Variants in PRKN observed in about 807,000 individuals in gnomAD.
The protein encoded by PRKN is parkin RBR E3 ubiquitin protein ligase, also known as E3 ubiquitin-protein ligase parkin.
In PRKN, 56 loss-of-function variants were observed where a neutral mutation model predicts 59.5. The observed-to-expected ratio is 0.94, with a 90% confidence interval of 0.76 to 1.18. The LOEUF is 1.18. PRKN is among the 50% of genes most tolerant of loss of function. PRKN has a pLI of 0.00. For missense variants in PRKN, 657 were observed against 596.4 expected (o/e 1.10, Z -1.06); for synonymous variants, 250 against 222.1 (o/e 1.13, Z -1.12).
At chr6:162,252,262 A>T (rs1758557820) in intron 3 of PRKN, among the ~76,000 whole-genome samples, 1 of 152,188 alleles carries the variant, frequency 6.6e-6, no homozygotes, top group Non-Finnish European at 1.5e-5. Flanking sequence ...ACATCACTGT[A>T]TTGGGGGCAG....
chr6:162,170,959 C>G (rs1190703238), intron 4 of PRKN, among the ~76,000 whole-genome samples: 1 of 152,060 alleles, frequency 6.6e-6, no homozygotes, highest in East Asian at 1.9e-4. Context: ...AATAACTATC[C>G]ATTCATTCTA....
intron 4 of PRKN, among the ~76,000 whole-genome samples, chr6:162,111,414 G>A (rs552290881): frequency 1.3e-5 from 2 of 152,042 alleles, no homozygotes; most frequent in Non-Finnish European, 2.9e-5. Flanking sequence ...GCAGTGAGCC[G>A]AGACTGCACC....
At chr6:161,662,184 A>G (rs1360341231) in intron 7 of PRKN, among the ~76,000 whole-genome samples, 2 of 152,160 alleles carry the variant, frequency 1.3e-5, no homozygotes, top group Non-Finnish European at 2.9e-5. Flanking sequence ...GGGGTGGAAT[A>G]AAAAGCTTTA....
chr6:161,834,209 T>C (rs961687260), intron 6 of PRKN, among the ~76,000 whole-genome samples: 1 of 152,032 alleles, frequency 6.6e-6, no homozygotes, highest in African/African-American at 2.4e-5. Context: ...AGAGGTTTGC[T>C]GTATAAATGC....
intron 6 of PRKN, among the ~76,000 whole-genome samples, chr6:161,916,030 T>C (rs1778544211): frequency 6.6e-6 from 1 of 151,838 alleles, no homozygotes; most frequent in Non-Finnish European, 1.5e-5. Flanking sequence ...ATGAATTTAC[T>C]GAAAAAAAAG....
In PRKN at chr6:162,061,661, G is replaced by A. The variant is rs190473315; in HGVS notation, c.535-7487C>T. ...CTGTCACAAAGCCAAGCACAGTGCC[G>A]TGGTTAGAGCAGCAGCATAATAAAT... On this transcript the variant is annotated intron_variant, in intron 4 of 11. Coordinates refer to ENST00000366898, the MANE Select transcript of PRKN (RefSeq NM_004562.3). Among the ~76,000 whole-genome samples, 16 of 152,264 alleles carry A rather than the reference G, an allele frequency of 1.1e-4. No individual in the cohort carries two copies. The East Asian group carries it at 1.5e-3, about 15-fold the overall frequency.
In PRKN at chr6:161,379,055, T is replaced by C. The variant is rs1363451213; in HGVS notation, c.1167+7739A>G. 6.6e-6 allele frequency among the ~76,000 whole-genome samples: 1 copy of C among 152,174 alleles called. No homozygotes were observed. The highest frequency in any genetic ancestry group is 1.5e-5 in the Non-Finnish European group (1 of 68,028). ...TAGCAGGCTAGAAAGGGAGTTGCCA[T>C]CCTGGAAGGGGTAACTGACTCTCAG... On this transcript the variant is annotated intron_variant, in intron 10 of 11. Coordinates refer to ENST00000366898, the MANE Select transcript of PRKN (RefSeq NM_004562.3). The surrounding 1 kb of genome is among the most constrained non-coding windows in gnomAD (Gnocchi z 4.9).
At chr6:162,007,007 T>A (rs953728901) in intron 5 of PRKN, among the ~76,000 whole-genome samples, 2 of 151,982 alleles carry the variant, frequency 1.3e-5, no homozygotes, top group Non-Finnish European at 2.9e-5. Context: ...AGTAAACAAA[T>A]GAACCATGAA....
At chr6:162,240,047 G>A (rs939218744) in intron 3 of PRKN, among the ~76,000 whole-genome samples, 1 of 152,078 alleles carries the variant, frequency 6.6e-6, no homozygotes, top group Non-Finnish European at 1.5e-5. Flanking sequence ...TGAAGGTTAA[G>A]AAATTTATAA....
rs559020370 is a variant in PRKN at position 162,548,120 on chromosome 6, C to T, written c.8-104647G>A. Among the ~76,000 whole-genome samples, 32 of 152,128 alleles carry T rather than the reference C, an allele frequency of 2.1e-4. No homozygotes were observed. In the East Asian group the frequency reaches 4.7e-3, roughly 22 times the overall value. The stretch of plus-strand genomic sequence containing the variant: ...CTGTCACCAGGCTCGTGTGCAGTGG[C>T]GCAATTTTGGCTCACTGCAACCTCC... On this transcript the variant is annotated intron_variant, in intron 1 of 11. Transcript: ENST00000366898.
Position 161,592,633 on chromosome 6 carries a change from A to G in PRKN, c.872-23217T>C, listed in dbSNP as rs1163213967. ...ACACAAACTAAAGAGAGAAAACCCT[A>G]AGGGCTATGGAGAAAGATGAAGCAG... On this transcript the variant is annotated intron_variant, in intron 7 of 11. Coordinates refer to ENST00000366898, the MANE Select transcript of PRKN (RefSeq NM_004562.3). This position sits in a 1 kb window ranked among gnomAD's most constrained non-coding sequence, Gnocchi z 4.8. 6.6e-6 allele frequency among the ~76,000 whole-genome samples: 1 copy of G among 152,116 alleles called. No individual in the cohort carries two copies. Among genetic ancestry groups the G allele is most frequent in the East Asian group, 1.9e-4 (1 of 5,164 alleles).
chr6:161,863,153 C>T (rs1793975655), intron 6 of PRKN, among the ~76,000 whole-genome samples: 2 of 152,106 alleles, frequency 1.3e-5, no homozygotes, highest in Non-Finnish European at 2.9e-5. Context: ...TTGGGATATT[C>T]TTCTCTATAA....
chr6:161,568,883 C>CT (rs1562531084), intron 8 of PRKN, among the ~76,000 whole-genome samples: 2 of 151,970 alleles, frequency 1.3e-5, no homozygotes, highest in African/African-American at 4.8e-5. Context: ...TTCAAATGGT[C>CT]ACCCTTTGTA....
chr6:162,136,197 A>G (rs1270339870), intron 4 of PRKN, among the ~76,000 whole-genome samples: 1 of 151,632 alleles, frequency 6.6e-6, no homozygotes, highest in African/African-American at 2.4e-5. Context: ...ATAATTTTAT[A>G]TATATTGTGT....
intron 4 of PRKN, among the ~76,000 whole-genome samples, chr6:162,129,073 T>A (rs528170464): frequency 6.6e-6 from 1 of 152,334 alleles, no homozygotes; most frequent in East Asian, 1.9e-4. Context: ...TAACATCATA[T>A]AGGGACTGAT....
At chr6:161,866,708 C>T (rs1040206955) in intron 6 of PRKN, among the ~76,000 whole-genome samples, 3 of 152,188 alleles carry the variant, frequency 2.0e-5, no homozygotes, top group Non-Finnish European at 4.4e-5. Flanking sequence ...CTGTAAAAAT[C>T]ACAATATCTG....
At chr6:162,102,073 G>A (rs1303608712) in intron 4 of PRKN, among the ~76,000 whole-genome samples, 3 of 152,074 alleles carry the variant, frequency 2.0e-5, no homozygotes, top group African/African-American at 4.8e-5. Flanking sequence ...TGTACAGGAC[G>A]TGCAGGTTTG....
chr6:162,614,749 T>C (rs548216899), intron 1 of PRKN, among the ~76,000 whole-genome samples: 158 of 152,248 alleles, frequency 1.0e-3, no homozygotes, highest in African/African-American at 3.7e-3. Context: ...TGAACTCTAA[T>C]TGATGAAAAC....
chr6:161,364,930 C>CAAA (rs67693234), intron 10 of PRKN, among the ~76,000 whole-genome samples: 1,817 of 121,008 alleles, frequency 0.015, 38 homozygotes, highest in African/African-American at 0.051. Context: ...GACTTTGTCT[C>CAAA]AAAAAAAAAA....
Sources: gnomAD v4.1 joint callset for allele counts (sites outside exome capture counted in the v4.1 genomes callset) on GRCh38, gnomAD v4.1.1 for gene constraint, Gnocchi (gnomAD v3.1) non-coding constraint, MANE v1.5 for transcripts, NCBI Gene and HGNC (gene_info 2026-07-23, HGNC 2026-07-21) for gene names.